PRMT3: variants seen among roughly 807,000 people sequenced by gnomAD.
PRMT3 encodes the protein protein arginine N-methyltransferase 3.
Under a neutral mutation model 71.9 loss-of-function variants are expected in PRMT3, and 62 were observed. That is an observed-to-expected ratio of 0.86 (90% CI 0.70 to 1.07). PRMT3 has a LOEUF of 1.07. PRMT3 is among the 50% of genes least tolerant of loss of function. PRMT3 has a pLI of 0.00. For synonymous variants in PRMT3, 213 were observed against 220.4 expected, an observed-to-expected ratio of 0.97 and a Z score of 0.30; for missense variants, 663 against 643.0, an observed-to-expected ratio of 1.03 and a Z score of -0.34.
Position 20,426,848 on chromosome 11 carries a change from A to G in PRMT3, c.976A>G (p.Ile326Val), listed in dbSNP as rs772456901. 6.5e-7 allele frequency: 1 copy of G among 1,530,612 alleles called. No individual in the cohort carries two copies. Among genetic ancestry groups the G allele is most frequent in the Non-Finnish European group, 8.7e-7 (1 of 1,151,006 alleles). The allele number at this position is 1,530,612 out of a possible 1,614,324, so 94.8% of individuals were successfully genotyped here. ...VHLPVEKVDVIISEWMGYFLL... is the reference protein window; with the variant it reads ...VHLPVEKVDVVISEWMGYFLL... ...TCTTCCTGTAGAAAAAGTAGATGTTATCATATCTGAGTGGATGGTGAGTGT... is the reference window on the plus strand; with the variant it reads ...TCTTCCTGTAGAAAAAGTAGATGTTGTCATATCTGAGTGGATGGTGAGTGT... Residue 326 changes from isoleucine to valine, a missense_variant, in exon 10 of 16, where the codon ATC becomes GTC. Transcript: ENST00000331079.
chr11:20,430,657 A>T (rs181828335), intron 10 of PRMT3, among the ~76,000 whole-genome samples: 43 of 152,134 alleles, frequency 2.8e-4, no homozygotes, highest in Admixed American at 2.7e-3. Context: ...ACACAGTGAG[A>T]TTATTACTGC....
chr11:20,467,268 A>T (rs1187195507), intron 13 of PRMT3, among the ~76,000 whole-genome samples: 1 of 152,232 alleles, frequency 6.6e-6, no homozygotes, highest in Non-Finnish European at 1.5e-5. Flanking sequence ...ACAGTCGTTG[A>T]ACACTTGAAT....
chr11:20,395,911 T>C lies in PRMT3; in HGVS notation c.509T>C (p.Leu170Pro). The C allele has an allele frequency of 6.2e-7, 1 of 1,614,210 alleles. No homozygotes were observed. The highest frequency in any genetic ancestry group is 1.1e-5 in the South Asian group (1 of 91,084). ...TTGAAACATATGGAAGCCAGGGCAC[T>C]GTCTGCTGAAGCCGCATTGGCCAGA... Reference protein sequence around the residue: ...EKLKHMEARALSAEAALARAR... With the variant: ...EKLKHMEARAPSAEAALARAR... The change falls in exon 6 of 16, where the codon CTG (leucine) becomes CCG (proline). Residue 170 changes from leucine to proline, a missense_variant. Leu to Pro is a moderately conservative substitution (Grantham distance 98). Transcript: ENST00000331079.
At chr11:20,452,286 T>A in intron 11 of PRMT3, 78 bp downstream of exon 11, 1 of 1,155,272 alleles carries the variant, frequency 8.7e-7, no homozygotes, top group Non-Finnish European at 1.3e-6. Context: ...TCAAATAAAC[T>A]ATGCATGGCT....
At chr11:20,500,193 A>T (rs962751218) in intron 15 of PRMT3, among the ~76,000 whole-genome samples, 3 of 152,242 alleles carry the variant, frequency 2.0e-5, no homozygotes, top group African/African-American at 2.4e-5. Context: ...TTAGGAATAA[A>T]TTTAACAAAA....
chr11:20,460,701 C>T (rs1251093939), intron 11 of PRMT3, among the ~76,000 whole-genome samples: 2 of 152,116 alleles, frequency 1.3e-5, no homozygotes, highest in Non-Finnish European at 2.9e-5. Context: ...GCACTAAATG[C>T]TCCTGTTCCT....
intron 7 of PRMT3, among the ~76,000 whole-genome samples, chr11:20,402,536 C>G (rs932031155): frequency 6.6e-5 from 10 of 152,078 alleles, no homozygotes; most frequent in African/African-American, 2.2e-4. Context: ...CTTGGCTTCT[C>G]CCTTATTTTA....
Position 20,462,115 on chromosome 11 carries a change from T to C in PRMT3, c.1208T>C (p.Val403Ala), listed in dbSNP as rs1205140888. The C allele has an allele frequency of 3.1e-6, 5 of 1,613,054 alleles. No homozygotes were observed. ...CMKKAVIPEA[V>A]VEVLDPKTLI... Reference sequence around the variant, plus strand: ...AAGAAAGCAGTTATTCCAGAAGCTGTTGTGGAAGTTTTAGATCCGAAGACT... The same window carrying C: ...AAGAAAGCAGTTATTCCAGAAGCTGCTGTGGAAGTTTTAGATCCGAAGACT... Residue 403 changes from valine to alanine, a missense_variant, in exon 12 of 16, where the codon GTT becomes GCT. Transcript: ENST00000331079.
intron 3 of PRMT3, among the ~76,000 whole-genome samples, chr11:20,391,416 G>A (rs1027995844): frequency 2.0e-5 from 3 of 151,966 alleles, no homozygotes; most frequent in Admixed American, 6.6e-5. Context: ...GGCTAATTTT[G>A]TATTTTAGGA....
chr11:20,422,541 A>G (rs572886760), intron 9 of PRMT3, among the ~76,000 whole-genome samples: 168 of 152,258 alleles, frequency 1.1e-3, no homozygotes, highest in African/African-American at 3.9e-3. Flanking sequence ...ATTTTTCACT[A>G]TCTTCCCCTC....
At chr11:20,456,679 CA>C (rs1177953028) in intron 11 of PRMT3, among the ~76,000 whole-genome samples, 2 of 151,804 alleles carry the variant, frequency 1.3e-5, no homozygotes, top group Admixed American at 6.6e-5. Context: ...GGTCATGTGG[CA>C]GGGGGGAGTT....
intron 13 of PRMT3, among the ~76,000 whole-genome samples, chr11:20,492,776 A>G (rs2133451773): frequency 6.6e-6 from 1 of 152,282 alleles, no homozygotes; most frequent in East Asian, 1.9e-4. Context: ...GATCTTTTGT[A>G]GGCTGGGTGC....
chr11:20,481,783 G>A (rs947970410), intron 13 of PRMT3, among the ~76,000 whole-genome samples: 2 of 152,072 alleles, frequency 1.3e-5, no homozygotes, highest in East Asian at 1.9e-4. Context: ...ACTTCCATTT[G>A]ACTTCATTTT....
chr11:20,452,995 T>C (rs1404015934), intron 11 of PRMT3, among the ~76,000 whole-genome samples: 1 of 152,196 alleles, frequency 6.6e-6, no homozygotes, highest in Non-Finnish European at 1.5e-5. Context: ...CCTCCTTCAC[T>C]TACCTCCCTG....
At chr11:20,440,172 A>G (rs1046192273) in intron 10 of PRMT3, among the ~76,000 whole-genome samples, 2 of 152,216 alleles carry the variant, frequency 1.3e-5, no homozygotes, top group African/African-American at 2.4e-5. Context: ...GGATAGAGAA[A>G]ATTTCTTAGT....
At chr11:20,463,065 C>T (rs1357191840) in intron 12 of PRMT3, among the ~76,000 whole-genome samples, 1 of 152,078 alleles carries the variant, frequency 6.6e-6, no homozygotes, top group African/African-American at 2.4e-5. Flanking sequence ...GGGGTTTCAC[C>T]GTGTTGACCA....
intron 13 of PRMT3, among the ~76,000 whole-genome samples, chr11:20,488,337 C>T (rs1851127810): frequency 6.6e-6 from 1 of 152,140 alleles, no homozygotes; most frequent in Non-Finnish European, 1.5e-5. Flanking sequence ...ATATGATGAT[C>T]TAAGCTATAA....
chr11:20,464,391 T>C lies in PRMT3; in HGVS notation c.1261-69T>C, dbSNP rs925815461. 1.2e-5 allele frequency: 18 copies of C among 1,509,740 alleles called. No individual in the cohort carries two copies. The Admixed American group carries it at 3.3e-4, about 28-fold the overall frequency. The allele number at this position is 1,509,740 out of a possible 1,614,324, so 93.5% of individuals were successfully genotyped here. Reference sequence around the variant, plus strand: ...TAATGTTTGTCTGGGTTGTTTTTGTTTTATTTTTTGTTTTTTTTTTTTGGA... The same window carrying C: ...TAATGTTTGTCTGGGTTGTTTTTGTCTTATTTTTTGTTTTTTTTTTTTGGA... On this transcript the variant is annotated intron_variant, in intron 12 of 15. Transcript: ENST00000331079.
chr11:20,439,823 C>T (rs1372061095), intron 10 of PRMT3, among the ~76,000 whole-genome samples: 2 of 152,092 alleles, frequency 1.3e-5, no homozygotes, highest in Non-Finnish European at 2.9e-5. Context: ...CAAAAGCAGC[C>T]TGTATACTCT....
Sources: gnomAD v4.1 joint callset for allele counts (sites outside exome capture counted in the v4.1 genomes callset) on GRCh38, gnomAD v4.1.1 for gene constraint, MANE v1.5 for transcripts, NCBI Gene and HGNC (gene_info 2026-07-23, HGNC 2026-07-21) for gene names.